The following WFDC11 variants were observed in gnomAD, a reference collection of about 807,000 sequenced individuals.
WFDC11 encodes WAP four-disulfide core domain 11, also known as protein WFDC11.
Under a neutral mutation model 9.9 loss-of-function variants are expected in WFDC11, and 9 were observed. The ratio of observed to expected loss-of-function variants is 0.91; its 90% CI spans 0.55 to 1.58. The LOEUF is 1.58. Ranked by LOEUF, WFDC11 falls within the 40% of genes most tolerant of loss-of-function variation. The probability of loss-of-function intolerance (pLI) is 0.00; values close to 1 mark genes in which losing one functional copy is unlikely to be tolerated. For missense variants in WFDC11, 106 were observed against 101.7 expected (o/e 1.04, Z -0.18); for synonymous variants, 32 against 33.3 (o/e 0.96, Z 0.13).
intron 2 of WFDC11, among the ~76,000 whole-genome samples, chr20:45,664,051 G>A (rs1412762142): frequency 6.6e-6 from 1 of 152,092 alleles, no homozygotes; most frequent in African/African-American, 2.4e-5. Context: ...ATTATTGTGT[G>A]GGAGTCTAAG....
intron 2 of WFDC11, among the ~76,000 whole-genome samples, chr20:45,652,710 A>C (rs1982836447): frequency 6.6e-6 from 1 of 152,206 alleles, no homozygotes; most frequent in Non-Finnish European, 1.5e-5. Context: ...GCCAACTAGA[A>C]TAACCAATGC....
At chr20:45,655,167 G>C (rs950907356) in intron 2 of WFDC11, among the ~76,000 whole-genome samples, 1 of 152,126 alleles carries the variant, frequency 6.6e-6, no homozygotes, top group Non-Finnish European at 1.5e-5. Context: ...GATGAACATT[G>C]GTGCAGAAAT....
intron 2 of WFDC11, among the ~76,000 whole-genome samples, chr20:45,652,657 AT>A (rs1238851581): frequency 6.6e-6 from 1 of 152,218 alleles, no homozygotes; most frequent in Non-Finnish European, 1.5e-5. Context: ...GTTCGAACCC[AT>A]GGCAAAGAAT....
At chr20:45,663,383 G>A (rs1276710801) in intron 2 of WFDC11, among the ~76,000 whole-genome samples, 2 of 152,050 alleles carry the variant, frequency 1.3e-5, no homozygotes, top group Non-Finnish European at 2.9e-5. Flanking sequence ...CCAGCTCCTG[G>A]ATTTATTGAT....
chr20:45,655,634 AGTCAAATT>A (rs1405760437), intron 2 of WFDC11, among the ~76,000 whole-genome samples: 1 of 152,234 alleles, frequency 6.6e-6, no homozygotes, highest in Non-Finnish European at 1.5e-5. Context: ...GAAAAGAGGA[AGTCAAATT>A]GTCCCTGTTT....
chr20:45,664,411 G>T (rs1329798537), intron 2 of WFDC11, among the ~76,000 whole-genome samples: 3 of 152,118 alleles, frequency 2.0e-5, no homozygotes, highest in Admixed American at 1.3e-4. Context: ...GGGGCATTTA[G>T]CCCATTTACA....
chr20:45,666,361 C>A (rs959076130), intron 2 of WFDC11, among the ~76,000 whole-genome samples: 1 of 152,238 alleles, frequency 6.6e-6, no homozygotes, highest in African/African-American at 2.4e-5. Flanking sequence ...GGGAAATCCC[C>A]CAACCCCTTG....
intron 2 of WFDC11, among the ~76,000 whole-genome samples, chr20:45,662,276 G>A (rs1983087362): frequency 6.6e-6 from 1 of 152,210 alleles, no homozygotes; most frequent in Non-Finnish European, 1.5e-5. Flanking sequence ...TTTGTATCCT[G>A]AAACTTTGCT....
intron 1 of WFDC11, among the ~76,000 whole-genome samples, chr20:45,669,583 AC>A (rs1387943112): frequency 6.6e-6 from 1 of 152,214 alleles, no homozygotes; most frequent in Non-Finnish European, 1.5e-5. Flanking sequence ...TTTTTGGTAA[AC>A]AACAAAATTA....
intron 2 of WFDC11, among the ~76,000 whole-genome samples, chr20:45,654,862 C>T (rs1982888534): frequency 2.0e-5 from 3 of 152,198 alleles, no homozygotes; most frequent in East Asian, 3.8e-4. Context: ...GACACCTACA[C>T]CCTCCCAAGA....
chr20:45,668,771 T>G (rs1983237349), intron 1 of WFDC11, among the ~76,000 whole-genome samples: 1 of 152,144 alleles, frequency 6.6e-6, no homozygotes, highest in Non-Finnish European at 1.5e-5. Context: ...TTCAAAAATT[T>G]CATAGATTGG....
At chr20:45,669,261 T>G (rs557661343) in intron 1 of WFDC11, among the ~76,000 whole-genome samples, 3 of 152,312 alleles carry the variant, frequency 2.0e-5, no homozygotes, top group African/African-American at 7.2e-5. Flanking sequence ...CTTGGGTAAC[T>G]CATTTCACTT....
chr20:45,653,248 G>C (rs545311119), intron 2 of WFDC11, among the ~76,000 whole-genome samples: 1 of 152,108 alleles, frequency 6.6e-6, no homozygotes, highest in Non-Finnish European at 1.5e-5. Context: ...AACTCTACAA[G>C]CCAGAAGAGA....
chr20:45,648,698 G>T lies in WFDC11; in HGVS notation c.*21C>A. The T allele has an allele frequency of 6.2e-7, 1 of 1,614,056 alleles. No homozygotes were observed. Among genetic ancestry groups the T allele is most frequent in the African/African-American group, 1.3e-5 (1 of 75,054 alleles). On this transcript the variant is annotated 3_prime_UTR_variant, in exon 5 of 5. Transcript: ENST00000324384. ...CATTTCCCAGCCCACACAGGTGGCA[G>T]CCTGGTGGGAAGCTACGGTTTTAGT...
intron 2 of WFDC11, among the ~76,000 whole-genome samples, chr20:45,662,071 G>A (rs574699120): frequency 6.7e-6 from 1 of 149,096 alleles, no homozygotes; most frequent in East Asian, 1.9e-4. Flanking sequence ...TCTTCCATTT[G>A]TTTGTATCTT....
At chr20:45,669,269 C>T (rs777448389) in intron 1 of WFDC11, among the ~76,000 whole-genome samples, 1 of 152,198 alleles carries the variant, frequency 6.6e-6, no homozygotes, top group Non-Finnish European at 1.5e-5. Context: ...ACTCATTTCA[C>T]TTCTGGAAAA....
At chr20:45,663,797 T>C (rs200965103) in intron 2 of WFDC11, among the ~76,000 whole-genome samples, 1 of 152,202 alleles carries the variant, frequency 6.6e-6, no homozygotes, top group African/African-American at 2.4e-5. Flanking sequence ...AGAGACAGTT[T>C]GTTGTGATTT....
In WFDC11 at chr20:45,649,319, A is replaced by G. The variant is rs1483525331; in HGVS notation, c.181T>C (p.Cys61Arg). ...CTNKCSKAFR[C>R]KDKNYTCCWT... ...CAGCATGTGTAATTTTTGTCTTTAC[A>G]TCTAAAGGCTTTAGAACACTTATTG... Residue 61 changes from cysteine (C) to arginine (R), a missense_variant, in exon 4 of 5, where the codon TGT becomes CGT. By Grantham distance (180) the Cys-to-Arg change is radical. Coordinates refer to ENST00000324384, the MANE Select transcript of WFDC11 (RefSeq NM_147197.2). The G allele has an allele frequency of 6.2e-7, 1 of 1,614,196 alleles. No homozygotes were observed. Among genetic ancestry groups the G allele is most frequent in the South Asian group, 1.1e-5 (1 of 91,080 alleles).
chr20:45,664,969 T>C (rs994535894), intron 2 of WFDC11, among the ~76,000 whole-genome samples: 3 of 152,260 alleles, frequency 2.0e-5, no homozygotes, highest in Non-Finnish European at 4.4e-5. Flanking sequence ...CCTGCCTTGC[T>C]AGGTTGCAGA....
Sources: gnomAD v4.1 joint callset for allele counts (sites outside exome capture counted in the v4.1 genomes callset) on GRCh38, gnomAD v4.1.1 for gene constraint, MANE v1.5 for transcripts, NCBI Gene and HGNC (gene_info 2026-07-23, HGNC 2026-07-21) for gene names.